Variants in FOXP4 observed in about 807,000 individuals in gnomAD.
FOXP4 encodes the protein forkhead box protein P4.
Under a neutral mutation model 82.6 loss-of-function variants are expected in FOXP4, and 25 were observed. That is an observed-to-expected ratio of 0.30 (90% CI 0.22 to 0.42). The LOEUF (loss-of-function observed/expected upper bound fraction) is 0.42. FOXP4 is among the 10% of genes least tolerant of loss of function. FOXP4 has a pLI of 1.00. For synonymous variants in FOXP4, 415 were observed against 388.2 expected (o/e 1.07, Z -0.81); for missense variants, 785 against 900.9 (o/e 0.87, Z 1.65).
chr6:41,584,928 C>G, intron 4 of FOXP4, 37 bp downstream of exon 4: 1 of 1,571,480 alleles, frequency 6.4e-7, no homozygotes, highest in South Asian at 1.2e-5. Context: ...CCCTCCTCCT[C>G]TGCCTGGCCT....
intron 3 of FOXP4, among the ~76,000 whole-genome samples, chr6:41,578,673 G>A (rs1247118275): frequency 7.2e-6 from 1 of 138,500 alleles, no homozygotes; most frequent in African/African-American, 2.6e-5. Context: ...CAGCTTGCCA[G>A]CCCATCTGGC....
At chr6:41,596,117 C>T (rs780121266) in intron 14 of FOXP4, among the ~76,000 whole-genome samples, 4 of 152,200 alleles carry the variant, frequency 2.6e-5, no homozygotes, top group Non-Finnish European at 5.9e-5. Flanking sequence ...AGGCTGATCT[C>T]GAACTCCTGA....
intron 1 of FOXP4, among the ~76,000 whole-genome samples, chr6:41,559,319 C>T (rs1303046989): frequency 6.6e-6 from 1 of 152,202 alleles, no homozygotes; most frequent in Non-Finnish European, 1.5e-5. Context: ...CTGCTGGAGT[C>T]TGCATACACA....
rs140063113 is a variant in FOXP4 at position 41,549,389 on chromosome 6, G to A, written c.-17+2522G>A. 3.6e-3 allele frequency among the ~76,000 whole-genome samples: 551 copies of A among 152,234 alleles called. 3 individuals carry two copies. Among genetic ancestry groups the A allele is most frequent in the Non-Finnish European group, 5.2e-3 (357 of 68,012 alleles). ...GGGACCTGCTCCTGTCCCTTTCTGT[G>A]TAGGGATCTTCCTCACACCTAGACG... On this transcript the variant is annotated intron_variant, in intron 1 of 16. Coordinates refer to ENST00000307972, the MANE Select transcript of FOXP4 (RefSeq NM_001012426.2).
intron 14 of FOXP4, among the ~76,000 whole-genome samples, chr6:41,596,686 A>G (rs1440605732): frequency 1.3e-5 from 2 of 152,014 alleles, no homozygotes; most frequent in Admixed American, 6.6e-5. Context: ...AGCCTTCTGT[A>G]TGGAGGCTTC....
chr6:41,602,208 C>A lies in FOXP4; in HGVS notation c.*3272C>A, dbSNP rs1315538787. 1 of 152,164 alleles carries A rather than the reference C, an allele frequency of 6.6e-6. No homozygotes were observed. The highest frequency in any genetic ancestry group is 1.5e-5 in the Non-Finnish European group (1 of 68,044). The allele number at this position is 152,164 out of a possible 1,614,324, so 9.4% of individuals were successfully genotyped here. On this transcript the variant is annotated 3_prime_UTR_variant, in exon 17 of 17. Transcript: ENST00000307972. ...CCTCGAGAGGGGCTGGGGAGCTCAG[C>A]TTGGTCTCAGAGTCTCCCCACCAGA...
Position 41,585,426 on chromosome 6 carries a change from C to A in FOXP4, c.424-5C>A, listed in dbSNP as rs200488844. 21 of 1,613,426 alleles carry A rather than the reference C, an allele frequency of 1.3e-5. No homozygotes were observed. The highest frequency in any genetic ancestry group is 3.3e-5 in the Admixed American group (2 of 59,952). Reference sequence around the variant, plus strand: ...GCCAGTGGTAACCCTCCTCCACCCCCCCAGCTACAGGAGTACTACAAGAAG... The same window carrying A: ...GCCAGTGGTAACCCTCCTCCACCCCACCAGCTACAGGAGTACTACAAGAAG... On this transcript the variant is annotated splice_polypyrimidine_tract_variant and splice_region_variant and intron_variant, in intron 4 of 16. Transcript: ENST00000307972.
chr6:41,597,734 C>T (rs1887079), intron 15 of FOXP4, 47 bp from the exon 16 acceptor site: 112,726 of 1,582,654 alleles, frequency 0.071, 6,512 homozygotes, highest in African/African-American at 0.27. Context: ...CTGAGTGTGC[C>T]CCATCCTGTG....
At chr6:41,582,557 C>A (rs1290961081) in intron 3 of FOXP4, among the ~76,000 whole-genome samples, 1 of 152,212 alleles carries the variant, frequency 6.6e-6, no homozygotes, top group Non-Finnish European at 1.5e-5. Flanking sequence ...TTGTTGGGCA[C>A]CCCCTTGGGA....
At chr6:41,574,094 G>T (rs1765344894) in intron 2 of FOXP4, among the ~76,000 whole-genome samples, 1 of 152,074 alleles carries the variant, frequency 6.6e-6, no homozygotes, top group African/African-American at 2.4e-5. Flanking sequence ...GCTGTGTTTG[G>T]GTATCTCTTG....
chr6:41,579,799 A>G (rs1194401568), intron 3 of FOXP4, among the ~76,000 whole-genome samples: 3 of 152,106 alleles, frequency 2.0e-5, no homozygotes, highest in Admixed American at 2.0e-4. Flanking sequence ...TTCATTCAAC[A>G]AATACTTACT....
chr6:41,557,124 C>G (rs1016642696), intron 1 of FOXP4, among the ~76,000 whole-genome samples: 1 of 152,208 alleles, frequency 6.6e-6, no homozygotes, highest in Non-Finnish European at 1.5e-5. Context: ...CTCCCTACCC[C>G]ACTCTGACCT....
intron 3 of FOXP4, among the ~76,000 whole-genome samples, chr6:41,583,325 G>C (rs1765910740): frequency 6.6e-6 from 1 of 151,980 alleles, no homozygotes; most frequent in Admixed American, 6.6e-5. Flanking sequence ...ATGGCTTAAG[G>C]GGTGGTTCAA....
intron 1 of FOXP4, among the ~76,000 whole-genome samples, chr6:41,555,811 T>C (rs1362474796): frequency 1.3e-5 from 2 of 152,238 alleles, no homozygotes; most frequent in Non-Finnish European, 2.9e-5. Context: ...GTGGACATGC[T>C]GTAGTTAAGC....
chr6:41,564,372 T>C (rs1764757598), intron 1 of FOXP4, among the ~76,000 whole-genome samples: 1 of 152,164 alleles, frequency 6.6e-6, no homozygotes, highest in East Asian at 1.9e-4. Context: ...GGAGCCGAGA[T>C]TGTGCCACTG....
intron 15 of FOXP4, 45 bp downstream of exon 15, chr6:41,597,287 C>T: frequency 6.3e-7 from 1 of 1,597,952 alleles, no homozygotes; most frequent in East Asian, 2.2e-5. Context: ...CTCCCGCCCC[C>T]TTGCTTTCTC....
chr6:41,591,368 C>CCTG lies in FOXP4; in HGVS notation c.1536+48_1536+50dup. ...CTTCTGGGCCCCAGTCACCCTTGGA[C>CCTG]CTGCCATATCCCATGGAGACCAAGG... On this transcript the variant is annotated intron_variant, in intron 13 of 16. Transcript: ENST00000307972. The surrounding 1 kb of genome is among the most constrained non-coding windows in gnomAD (Gnocchi z 4.2). 1 of 1,460,368 alleles carries CCTG rather than the reference C, an allele frequency of 6.8e-7. No individual in the cohort carries two copies. The highest frequency in any genetic ancestry group is 9.4e-7 in the Non-Finnish European group (1 of 1,063,664). 90.5% of individuals were successfully genotyped at this position (1,460,368 alleles called of 1,614,324 possible).
rs574759411 is a variant in FOXP4 at position 41,581,922 on chromosome 6, AGTCCTG to A, written c.301-2844_301-2839del. Among the ~76,000 whole-genome samples, 15 of 152,324 alleles carry A rather than the reference AGTCCTG, an allele frequency of 9.8e-5. 1 individual carries two copies. The South Asian group carries it at 2.7e-3, about 27-fold the overall frequency. On this transcript the variant is annotated intron_variant, in intron 3 of 16. Coordinates refer to ENST00000307972, the MANE Select transcript of FOXP4 (RefSeq NM_001012426.2). ...TCACATGCTCCTGTCAGTGACTCAC[AGTCCTG>A]GTGCCTGGAAAGATCTTCTGAGTGT...
chr6:41,576,973 C>A (rs1765523613), intron 2 of FOXP4, among the ~76,000 whole-genome samples: 1 of 152,104 alleles, frequency 6.6e-6, no homozygotes, highest in Non-Finnish European at 1.5e-5. Flanking sequence ...CTTCAAACCT[C>A]CCACTGAAGC....
Sources: allele counts gnomAD v4.1 joint callset (sites outside exome capture counted in the v4.1 genomes callset), GRCh38; gene constraint gnomAD v4.1.1; non-coding constraint Gnocchi (gnomAD v3.1); transcripts MANE v1.5; gene names NCBI Gene and HGNC (gene_info 2026-07-23, HGNC 2026-07-21).